The following ATP9A variants were observed in gnomAD, a reference collection of about 807,000 sequenced individuals.
ATP9A encodes the protein probable phospholipid-transporting ATPase IIA.
In ATP9A, 52 loss-of-function variants were observed where a neutral mutation model predicts 144.1. The observed-to-expected ratio is 0.36, with a 90% CI of 0.29 to 0.45. The LOEUF (loss-of-function observed/expected upper bound fraction) is 0.45, where lower values mean the gene tolerates loss of function less well. ATP9A is among the 20% of genes least tolerant of loss of function. ATP9A has a pLI of 1.00. For synonymous variants in ATP9A, 582 were observed against 557.4 expected, an observed-to-expected ratio of 1.04 and a Z score of -0.62; for missense variants, 947 against 1,392.7, an observed-to-expected ratio of 0.68 and a Z score of 5.09.
At chr20:51,665,529 G>A (rs899381611) in intron 13 of ATP9A, among the ~76,000 whole-genome samples, 6 of 151,950 alleles carry the variant, frequency 3.9e-5, no homozygotes, top group African/African-American at 1.5e-4. Flanking sequence ...GGCCAGCCTG[G>A]CCAACATGGT....
intron 17 of ATP9A, 66 bp downstream of exon 17, chr20:51,627,534 G>A: frequency 7.1e-7 from 1 of 1,399,750 alleles, no homozygotes; most frequent in South Asian, 1.2e-5. Flanking sequence ...ATGAGGGATG[G>A]TGGAAGGAGT....
In ATP9A at chr20:51,694,038, C is replaced by G. The variant is rs2077560028; in HGVS notation, c.612G>C (p.Val204=). 1 of 1,614,046 alleles carries G rather than the reference C, an allele frequency of 6.2e-7. No homozygotes were observed. The highest frequency in any genetic ancestry group is 2.2e-5 in the East Asian group (1 of 44,858). ...CCGTGGGGAGCCTCTGCGTGCAGGCCACGGGAAGCCGCAGCTTCCAGTCCG... is the reference window on the plus strand; with the variant it reads ...CCGTGGGGAGCCTCTGCGTGCAGGCGACGGGAAGCCGCAGCTTCCAGTCCG... The part of the protein sequence containing the change: ...GETDWKLRLP[V]ACTQRLPTAA... The change falls in exon 7 of 28, where the codon GTG becomes GTC. Residue 204 remains valine (V), a synonymous_variant. Coordinates refer to ENST00000338821, the MANE Select transcript of ATP9A (RefSeq NM_006045.3).
At chr20:51,669,654 A>G (rs898922234) in intron 13 of ATP9A, among the ~76,000 whole-genome samples, 1 of 152,158 alleles carries the variant, frequency 6.6e-6, no homozygotes, top group Admixed American at 6.6e-5. Context: ...GTTTTTCCTA[A>G]TGTCCATCAG....
chr20:51,697,392 T>C lies in ATP9A; in HGVS notation c.495+32A>G, dbSNP rs774615590. On this transcript the variant is annotated intron_variant, in intron 5 of 27. Coordinates refer to ENST00000338821, the MANE Select transcript of ATP9A (RefSeq NM_006045.3). ...TGACACATTAGGACCCATGAAGTGG[T>C]ATCCACACACAAGCTTCCAGATTCT... The C allele has an allele frequency of 4.4e-6, 7 of 1,604,024 alleles. 1 individual carries two copies. Among genetic ancestry groups the C allele is most frequent in the Non-Finnish European group, 1.7e-6 (2 of 1,171,934 alleles).
intron 27 of ATP9A, 45 bp from the exon 28 acceptor site, chr20:51,601,392 C>A: frequency 6.4e-7 from 1 of 1,556,968 alleles, no homozygotes; most frequent in Non-Finnish European, 8.7e-7. Context: ...AGGAATATTC[C>A]GGAAGGTGCA....
intron 2 of ATP9A, among the ~76,000 whole-genome samples, chr20:51,727,598 T>C (rs1055238458): frequency 8.6e-5 from 13 of 151,378 alleles, no homozygotes; most frequent in African/African-American, 3.2e-4. Context: ...AAATAAAAAG[T>C]GAAACCCCAT....
chr20:51,757,902 A>G (rs939553498), intron 1 of ATP9A, among the ~76,000 whole-genome samples: 1 of 140,264 alleles, frequency 7.1e-6, no homozygotes, highest in African/African-American at 2.8e-5. Flanking sequence ...AGTACGTCTC[A>G]AAAAAAAAAA....
chr20:51,744,697 G>A (rs2122893920), intron 1 of ATP9A, among the ~76,000 whole-genome samples: 1 of 152,320 alleles, frequency 6.6e-6, no homozygotes, highest in Non-Finnish European at 1.5e-5. Context: ...TCTGCTGGGA[G>A]TTCCCCTATA....
intron 8 of ATP9A, 68 bp from the exon 9 acceptor site, chr20:51,689,207 G>T: frequency 6.6e-7 from 1 of 1,504,794 alleles, no homozygotes. Context: ...GCTGCTTCTA[G>T]CATGGTCCGC....
chr20:51,643,455 G>C (rs182275921), intron 14 of ATP9A, among the ~76,000 whole-genome samples: 2 of 152,150 alleles, frequency 1.3e-5, no homozygotes, highest in African/African-American at 2.4e-5. Flanking sequence ...GTTGGAGATG[G>C]GGCCTCTGGG....
At position 51,600,549 on chromosome 20, in the gene ATP9A, T is replaced by C. The variant is rs1317615550; in HGVS notation, c.*662A>G. 3 of 152,054 alleles carry C rather than the reference T, an allele frequency of 2.0e-5. No individual in the cohort carries two copies. Among genetic ancestry groups the C allele is most frequent in the Non-Finnish European group, 4.4e-5 (3 of 68,032 alleles). The allele number at this position is 152,054 out of a possible 1,614,324, so 9.4% of individuals were successfully genotyped here. ...GCTGAATCAGATCAAGGATAACAGA[T>C]TGGACTTAGGACACTCTCTCTCCCT... is the stretch of plus-strand genomic sequence containing the variant. On this transcript the variant is annotated 3_prime_UTR_variant, in exon 28 of 28. Coordinates refer to ENST00000338821, the MANE Select transcript of ATP9A (RefSeq NM_006045.3).
In ATP9A at chr20:51,601,331, G is replaced by A. The variant is rs756237707; in HGVS notation, c.3024C>T (p.Ala1008=). 6.2e-7 allele frequency: 1 copy of A among 1,612,654 alleles called. No individual in the cohort carries two copies. The change falls in exon 28 of 28, where the codon GCC becomes GCT. Residue 1008 remains alanine, a synonymous_variant. Coordinates refer to ENST00000338821, the MANE Select transcript of ATP9A (RefSeq NM_006045.3). The part of the protein sequence containing the change: ...LHEFIDVYFI[A]TLSFLWKVSV... ...AGACTTTCCACAAGAATGACAAGGT[G>A]GCGATGAAGTACACATCTGCAAGGA... is the stretch of plus-strand genomic sequence containing the variant.
chr20:51,601,510 G>C (rs1403544261), intron 27 of ATP9A, among the ~76,000 whole-genome samples, 163 bp from the exon 28 acceptor site: 2 of 152,196 alleles, frequency 1.3e-5, no homozygotes, highest in Non-Finnish European at 2.9e-5. Context: ...GTAAGGGAAG[G>C]TACCATGGCT....
Position 51,596,567 on chromosome 20 carries a change from TG to T in ATP9A, c.*4643del, listed in dbSNP as rs1456864049. On this transcript the variant is annotated 3_prime_UTR_variant, in exon 28 of 28. Transcript: ENST00000338821. Reference sequence around the variant, plus strand: ...TCACCTTTTGAAATTCTGACACGTCTGGGATGGACAATAGTACAAAATAATA... The same window carrying T: ...TCACCTTTTGAAATTCTGACACGTCTGGATGGACAATAGTACAAAATAATA... The T allele has an allele frequency of 6.6e-6, 1 of 152,202 alleles. No individual in the cohort carries two copies. The highest frequency in any genetic ancestry group is 2.4e-5 in the African/African-American group (1 of 41,446). The allele number at this position is 152,202 out of a possible 1,614,324, so 9.4% of individuals were successfully genotyped here. A position where few individuals can be genotyped will look rare whatever the true frequency, so the allele number is the denominator to read the frequency against.
intron 11 of ATP9A, among the ~76,000 whole-genome samples, chr20:51,671,715 T>G (rs909307321): frequency 6.6e-5 from 10 of 152,042 alleles, no homozygotes; most frequent in African/African-American, 2.4e-4. Flanking sequence ...TCCACACCCA[T>G]TCAACAATAA....
intron 15 of ATP9A, among the ~76,000 whole-genome samples, chr20:51,638,072 TA>T (rs1248207396): frequency 0.021 from 137 of 6,448 alleles, 4 homozygotes; most frequent in African/African-American, 0.058. Context: ...TTCATCATTT[TA>T]TATATATATA....
intron 1 of ATP9A, among the ~76,000 whole-genome samples, chr20:51,749,804 T>C (rs1264259708): frequency 6.6e-6 from 1 of 151,992 alleles, no homozygotes; most frequent in Non-Finnish European, 1.5e-5. Context: ...CTCTGTAGCT[T>C]TTAAGTATTA....
At chr20:51,639,605 G>A (rs1601074950) in intron 14 of ATP9A, 101 bp from the exon 15 acceptor site, 1 of 1,260,556 alleles carries the variant, frequency 7.9e-7, no homozygotes, top group Non-Finnish European at 1.1e-6. Context: ...AGAGACAGGG[G>A]AATCACAGTA....
chr20:51,606,124 G>A (rs1240582610), intron 26 of ATP9A, among the ~76,000 whole-genome samples: 2 of 151,830 alleles, frequency 1.3e-5, no homozygotes. Flanking sequence ...CTAAAATTAG[G>A]TGGGCGCCTG....
Sources: gnomAD v4.1 joint callset for allele counts (sites outside exome capture counted in the v4.1 genomes callset) on GRCh38, gnomAD v4.1.1 for gene constraint, MANE v1.5 for transcripts, NCBI Gene and HGNC (gene_info 2026-07-23, HGNC 2026-07-21) for gene names.